RHCE: variants seen among roughly 807,000 people sequenced by gnomAD.
RHCE encodes the protein Rh blood group CcEe antigens.
In RHCE, 22 loss-of-function variants were observed where a neutral mutation model predicts 43.8. The ratio of observed to expected loss-of-function variants is 0.50; its 90% confidence interval spans 0.36 to 0.72. The LOEUF (loss-of-function observed/expected upper bound fraction) is 0.72. Among genes scored for constraint, RHCE ranks in the 30% least tolerant of loss-of-function variants. The pLI, the probability that RHCE is intolerant of heterozygous loss-of-function variation, is 0.00. For synonymous variants in RHCE, 156 were observed against 210.7 expected (o/e 0.74, Z 2.25); for missense variants, 385 against 525.4 (o/e 0.73, Z 2.61).
chr1:25,400,587 A>G (rs1012155653), intron 3 of RHCE, among the ~76,000 whole-genome samples: 34 of 150,980 alleles, frequency 2.3e-4, no homozygotes, highest in African/African-American at 8.1e-4. Context: ...CATGGCTTTA[A>G]ACACCATCTG....
rs566946938 is a variant in RHCE, at chr1:25,369,191, C to T, written c.1227+1276G>A. Among the ~76,000 whole-genome samples the T allele has an allele frequency of 9.2e-5, 14 of 151,760 alleles. No individual in the cohort carries two copies. The South Asian group carries it at 2.7e-3, about 29-fold the overall frequency. On this transcript the variant is annotated intron_variant, in intron 9 of 9. Coordinates refer to ENST00000294413, the MANE Select transcript of RHCE (RefSeq NM_020485.8). ...TCTCCCCAGGTCCTCTCTGCTTGAC[C>T]CCTCATGCACAGGTGTCCAGGCCCA... is the stretch of plus-strand genomic sequence containing the variant.
intron 3 of RHCE, among the ~76,000 whole-genome samples, chr1:25,392,769 C>T (rs1178655291): frequency 1.3e-5 from 2 of 151,708 alleles, no homozygotes; most frequent in African/African-American, 4.8e-5. Context: ...TGGAATCTCA[C>T]TATGTTGCTC....
chr1:25,399,216 A>G (rs1459414952), intron 3 of RHCE: 2 of 879,810 alleles, frequency 2.3e-6, no homozygotes, highest in Non-Finnish European at 3.9e-6. Flanking sequence ...TTGACTTCCT[A>G]CTTTGAAGAA....
At chr1:25,403,526 G>T (rs1482878136) in intron 2 of RHCE, among the ~76,000 whole-genome samples, 1 of 150,568 alleles carries the variant, frequency 6.6e-6, no homozygotes, top group South Asian at 2.1e-4. Flanking sequence ...GGTCTTGAAG[G>T]TTCTTATGAT....
rs1019023907 is a variant in RHCE at position 25,370,817 on chromosome 1, C to T, written c.1154-277G>A. The stretch of plus-strand genomic sequence containing the variant: ...AGGCTGGAGTACCGTGGCATGATCT[C>T]GGCTCACTGCAGCCTCTGCCTCCCA... On this transcript the variant is annotated intron_variant, in intron 8 of 9. Coordinates refer to ENST00000294413, the MANE Select transcript of RHCE (RefSeq NM_020485.8). Among the ~76,000 whole-genome samples, 9 of 150,656 alleles carry T rather than the reference C, an allele frequency of 6.0e-5. No homozygotes were observed. In the East Asian group the frequency reaches 1.2e-3, roughly 20 times the overall value.
In RHCE at chr1:25,392,020, G is replaced by A. The variant is rs760937331; in HGVS notation, c.608C>T (p.Thr203Met). Residue 203 changes from threonine (T) to methionine (M), a missense_variant, in exon 4 of 10, where the codon ACG (threonine) becomes ATG (methionine). Thr to Met is a moderately conservative substitution (Grantham distance 81). Transcript: ENST00000294413. Reference sequence around the variant, plus strand: ...CAGCATGGCAGACAAACTGGGTATCGTTGCTCTCTGATCATTATCCTCCGT... The same window carrying A: ...CAGCATGGCAGACAAACTGGGTATCATTGCTCTCTGATCATTATCCTCCGT... Reference protein sequence around the residue: ...KGTEDNDQRATIPSLSAMLGA... With the variant: ...KGTEDNDQRAMIPSLSAMLGA... 1.2e-5 allele frequency: 19 copies of A among 1,613,966 alleles called. 1 individual carries two copies. The East Asian group carries it at 1.6e-4, about 13-fold the overall frequency.
At chr1:25,394,891 C>T (rs1404615626) in intron 3 of RHCE, among the ~76,000 whole-genome samples, 3 of 151,744 alleles carry the variant, frequency 2.0e-5, no homozygotes, top group East Asian at 3.9e-4. Context: ...GACTCTGGTC[C>T]CTGGCTCTGG....
At chr1:25,415,591 G>A (rs1272654311) in intron 1 of RHCE, among the ~76,000 whole-genome samples, 5 of 152,192 alleles carry the variant, frequency 3.3e-5, no homozygotes, top group African/African-American at 9.7e-5. Context: ...GGCGGAGGTT[G>A]CGGTGAGCCA....
At chr1:25,392,626 A>AAGCT in intron 3 of RHCE, among the ~76,000 whole-genome samples, 1 of 124,842 alleles carries the variant, frequency 8.0e-6, no homozygotes, top group East Asian at 2.6e-4. Context: ...GCTGGAGTGC[A>AAGCT]GTGGTGTGGC....
chr1:25,412,719 A>AT (rs1459279188), intron 1 of RHCE, among the ~76,000 whole-genome samples: 8,522 of 145,322 alleles, frequency 0.059, 905 homozygotes, highest in African/African-American at 0.21. Context: ...TTTTTTTAAA[A>AT]AAAAAAAAAA....
intron 8 of RHCE, among the ~76,000 whole-genome samples, chr1:25,373,405 T>A (rs1645674046): frequency 6.6e-6 from 1 of 151,752 alleles, no homozygotes; most frequent in Admixed American, 6.6e-5. Flanking sequence ...CGGCAGCCTT[T>A]CCCAGGGTTG....
At chr1:25,405,457 A>C (rs1646886900) in intron 2 of RHCE, among the ~76,000 whole-genome samples, 1 of 152,224 alleles carries the variant, frequency 6.6e-6, no homozygotes, top group Admixed American at 6.5e-5. Context: ...GTTCGAGACC[A>C]ACCTGACCCA....
chr1:25,411,424 G>A (rs1267762421), intron 1 of RHCE: 4 of 1,549,982 alleles, frequency 2.6e-6, no homozygotes, highest in Non-Finnish European at 3.5e-6. Flanking sequence ...AAAAGTCTTT[G>A]ATTTATAAAG....
chr1:25,414,388 C>T (rs1346442562), intron 1 of RHCE, among the ~76,000 whole-genome samples: 2 of 152,074 alleles, frequency 1.3e-5, no homozygotes, highest in Non-Finnish European at 2.9e-5. Flanking sequence ...CTAGGGTTGA[C>T]CTCCACCCTG....
intron 1 of RHCE, 51 bp downstream of exon 1, chr1:25,420,588 C>T (rs763591261): frequency 6.2e-7 from 1 of 1,613,810 alleles, no homozygotes; most frequent in Non-Finnish European, 8.5e-7. Flanking sequence ...GCCTCCCCCG[C>T]CCCTGCCCCT....
chr1:25,377,815 G>T (rs1463059084), intron 7 of RHCE, among the ~76,000 whole-genome samples: 6 of 152,230 alleles, frequency 3.9e-5, no homozygotes, highest in African/African-American at 1.2e-4. Context: ...TGAAGTATGA[G>T]AATTGCTTGA....
chr1:25,422,396 AAT>A (rs1185484207), upstream of RHCE, among the ~76,000 whole-genome samples: 2 of 152,198 alleles, frequency 1.3e-5, no homozygotes, highest in African/African-American at 2.4e-5. Flanking sequence ...CTTATAAAAT[AAT>A]ATGTTAGCAC....
chr1:25,375,946 A>G (rs1432817034), intron 7 of RHCE, among the ~76,000 whole-genome samples: 1 of 150,992 alleles, frequency 6.6e-6, no homozygotes, highest in East Asian at 1.9e-4. Context: ...ATGCGCCACC[A>G]TACCTGGATA....
At chr1:25,392,708 T>C (rs1325782468) in intron 3 of RHCE, among the ~76,000 whole-genome samples, 2 of 151,848 alleles carry the variant, frequency 1.3e-5, no homozygotes, top group African/African-American at 4.8e-5. Context: ...GTAGCTGGGA[T>C]TACAGGAGTG....
Sources: gnomAD v4.1 joint callset for allele counts (sites outside exome capture counted in the v4.1 genomes callset) on GRCh38, gnomAD v4.1.1 for gene constraint, MANE v1.5 for transcripts, NCBI Gene and HGNC (gene_info 2026-07-23, HGNC 2026-07-21) for gene names.